The following KCNIP1 variants were observed in gnomAD, a reference collection of about 807,000 sequenced individuals.
KCNIP1 encodes potassium voltage-gated channel interacting protein 1.
KCNIP1 carries 18 observed loss-of-function variants against 33.0 expected under a neutral mutation model. That is an observed-to-expected ratio of 0.55 (90% CI 0.38 to 0.81). The LOEUF (loss-of-function observed/expected upper bound fraction) is 0.81. Ranked by LOEUF, KCNIP1 falls within the 30% of genes least tolerant of loss-of-function variation. KCNIP1 has a pLI of 0.00. For missense variants in KCNIP1, 238 were observed against 271.6 expected, an observed-to-expected ratio of 0.88 and a Z score of 0.87; for synonymous variants, 93 against 98.3, an observed-to-expected ratio of 0.95 and a Z score of 0.32.
chr5:170,565,295 G>A (rs1757169051), intron 1 of KCNIP1, among the ~76,000 whole-genome samples: 2 of 152,162 alleles, frequency 1.3e-5, no homozygotes, highest in African/African-American at 2.4e-5. Context: ...CCAGCAGCAT[G>A]CCAGTCTCAC....
intron 1 of KCNIP1, chr5:170,385,486 G>A: frequency 6.2e-7 from 1 of 1,613,452 alleles, no homozygotes; most frequent in Non-Finnish European, 8.5e-7. Context: ...GTCCACAGAA[G>A]CAAACAGAAG....
intron 1 of KCNIP1, among the ~76,000 whole-genome samples, chr5:170,716,537 C>T (rs541913416): frequency 5.3e-5 from 8 of 151,862 alleles, no homozygotes; most frequent in South Asian, 2.1e-4. Flanking sequence ...ATGATGAAAA[C>T]GAAAAACAAA....
chr5:170,468,922 A>G (rs1330410094), intron 1 of KCNIP1, among the ~76,000 whole-genome samples: 4 of 151,866 alleles, frequency 2.6e-5, no homozygotes, highest in Non-Finnish European at 5.9e-5. Context: ...AAAATCAACC[A>G]GTATGTAAGG....
At chr5:170,459,960 G>A (rs1472912181) in intron 1 of KCNIP1, among the ~76,000 whole-genome samples, 1 of 152,150 alleles carries the variant, frequency 6.6e-6, no homozygotes, top group Admixed American at 6.5e-5. Context: ...ACCAAGATAG[G>A]AAGAGAGAAA....
intron 1 of KCNIP1, among the ~76,000 whole-genome samples, chr5:170,414,685 A>T (rs1314548491): frequency 6.6e-6 from 1 of 152,240 alleles, no homozygotes; most frequent in Non-Finnish European, 1.5e-5. Context: ...TTAATGCTAG[A>T]TGTTGACTAT....
intron 1 of KCNIP1, among the ~76,000 whole-genome samples, chr5:170,451,549 C>T (rs1479930920): frequency 6.7e-6 from 1 of 149,784 alleles, no homozygotes; most frequent in Non-Finnish European, 1.5e-5. Flanking sequence ...AGGGCATTGA[C>T]ACCACCCATT....
chr5:170,724,231 T>C (rs56300204), intron 5 of KCNIP1, among the ~76,000 whole-genome samples: 2 of 152,216 alleles, frequency 1.3e-5, no homozygotes, highest in South Asian at 4.2e-4. Context: ...TACAAAAAAA[T>C]TTTAGAAAAT....
chr5:170,400,331 C>T (rs6887798), intron 1 of KCNIP1, among the ~76,000 whole-genome samples: 3,401 of 152,212 alleles, frequency 0.022, 64 homozygotes, highest in African/African-American at 0.051. Flanking sequence ...AAGCAGGCAC[C>T]TCTTCACAAG....
intron 1 of KCNIP1, among the ~76,000 whole-genome samples, chr5:170,555,201 G>A (rs1250211532): frequency 6.6e-6 from 1 of 152,084 alleles, no homozygotes; most frequent in African/African-American, 2.4e-5. Context: ...TCAGGAGATC[G>A]CAGGCGGGCG....
At chr5:170,552,045 G>A (rs1581314490) in intron 1 of KCNIP1, among the ~76,000 whole-genome samples, 1 of 151,482 alleles carries the variant, frequency 6.6e-6, no homozygotes, top group Non-Finnish European at 1.5e-5. Context: ...GTGTGTTCAT[G>A]CCGATGTTCA....
chr5:170,518,269 T>C (rs573640309), intron 1 of KCNIP1, among the ~76,000 whole-genome samples: 1 of 152,304 alleles, frequency 6.6e-6, no homozygotes, highest in African/African-American at 2.4e-5. Context: ...TTGTCCAAAC[T>C]ATCTTCTTTG....
intron 1 of KCNIP1, among the ~76,000 whole-genome samples, chr5:170,717,138 T>C (rs1160267118): frequency 1.3e-5 from 2 of 152,210 alleles, no homozygotes; most frequent in East Asian, 3.8e-4. Context: ...TTAGATCTAA[T>C]GCTAGGAGAT....
intron 1 of KCNIP1, among the ~76,000 whole-genome samples, chr5:170,412,467 A>G (rs1406016761): frequency 6.6e-6 from 1 of 152,112 alleles, no homozygotes; most frequent in East Asian, 1.9e-4. Context: ...TCCAAGGGGG[A>G]AAGAGGAAAA....
chr5:170,681,552 AG>A (rs1233070682), intron 1 of KCNIP1: 1 of 162,266 alleles, frequency 6.2e-6, no homozygotes, highest in Non-Finnish European at 1.3e-5. Context: ...GACTTTTAAA[AG>A]CCATTATGTT....
intron 1 of KCNIP1, among the ~76,000 whole-genome samples, chr5:170,696,016 C>CA (rs34474795): frequency 0.2 from 18,697 of 93,688 alleles, 1,683 homozygotes; most frequent in African/African-American, 0.32. Context: ...GACTCTGTCT[C>CA]AAAAAAAAAA....
chr5:170,464,436 C>A (rs1417372446), intron 1 of KCNIP1, among the ~76,000 whole-genome samples: 2 of 152,160 alleles, frequency 1.3e-5, no homozygotes, highest in Non-Finnish European at 2.9e-5. Flanking sequence ...CCAAAACAAT[C>A]CTGATAAAGA....
chr5:170,683,627 T>C (rs1337055544), intron 1 of KCNIP1, among the ~76,000 whole-genome samples: 1 of 152,178 alleles, frequency 6.6e-6, no homozygotes, highest in Admixed American at 6.5e-5. Context: ...AGGACCAATG[T>C]AATGCTGTCA....
intron 1 of KCNIP1, among the ~76,000 whole-genome samples, chr5:170,463,302 G>T (rs544023645): frequency 6.6e-6 from 1 of 152,168 alleles, no homozygotes; most frequent in Non-Finnish European, 1.5e-5. Context: ...TGTAGAAGAA[G>T]AGGGGACATT....
At chr5:170,681,834 G>A (rs1762361724) in intron 1 of KCNIP1, among the ~76,000 whole-genome samples, 1 of 152,154 alleles carries the variant, frequency 6.6e-6, no homozygotes, top group Admixed American at 6.5e-5. Context: ...AAGAAACAAA[G>A]AGTTTTATTT....
Sources: gnomAD v4.1 joint callset for allele counts (sites outside exome capture counted in the v4.1 genomes callset) on GRCh38, gnomAD v4.1.1 for gene constraint, MANE v1.5 for transcripts, NCBI Gene and HGNC (gene_info 2026-07-23, HGNC 2026-07-21) for gene names.